The following SHROOM3 variants were observed in gnomAD, a reference collection of about 807,000 sequenced individuals.
SHROOM3 encodes the protein shroom family member 3.
A neutral mutation model predicts 138.6 loss-of-function variants in SHROOM3; 47 were observed. That is an observed-to-expected ratio of 0.34 (90% CI 0.27 to 0.43). The LOEUF is 0.43. Among genes scored for constraint, SHROOM3 ranks in the 20% least tolerant of loss-of-function variants. SHROOM3 has a pLI of 1.00. For missense variants in SHROOM3, 2,491 were observed against 2,596.5 expected (o/e 0.96, Z 0.88); for synonymous variants, 1,062 against 1,063.3 (o/e 1.00, Z 0.02).
intron 2 of SHROOM3, among the ~76,000 whole-genome samples, chr4:76,557,248 C>CAT (rs1733504335): frequency 2.0e-5 from 3 of 151,580 alleles, no homozygotes; most frequent in South Asian, 4.2e-4. Context: ...CACACACACA[C>CAT]ACACACACAC....
chr4:76,740,651 G>A lies in SHROOM3; in HGVS notation c.2478G>A (p.Glu826=), dbSNP rs1444082712. The A allele has an allele frequency of 6.2e-7, 1 of 1,614,198 alleles. No homozygotes were observed. The highest frequency in any genetic ancestry group is 2.2e-5 in the East Asian group (1 of 44,884). The part of the protein sequence containing the change: ...STSSTSGNDF[E]ETKAHIRFSE... Reference sequence around the variant, plus strand: ...CCAGTACTTCTGGGAATGACTTCGAGGAGACAAAAGCACACATTCGTTTCT... The same window carrying A: ...CCAGTACTTCTGGGAATGACTTCGAAGAGACAAAAGCACACATTCGTTTCT... The change falls in exon 5 of 11, where the codon GAG becomes GAA. Residue 826 remains glutamate (E), a synonymous_variant. Coordinates refer to ENST00000296043, the MANE Select transcript of SHROOM3 (RefSeq NM_020859.4). This position sits in a 1 kb window ranked among gnomAD's most constrained non-coding sequence, Gnocchi z 4.0.
At chr4:76,483,179 A>G (rs1455788345) in intron 1 of SHROOM3, among the ~76,000 whole-genome samples, 2 of 152,236 alleles carry the variant, frequency 1.3e-5, no homozygotes, top group South Asian at 2.1e-4. Flanking sequence ...GAGCTTCTGC[A>G]CAGCAAAAGA....
chr4:76,643,801 C>T (rs1201246146), intron 2 of SHROOM3, among the ~76,000 whole-genome samples: 1 of 152,028 alleles, frequency 6.6e-6, no homozygotes, highest in African/African-American at 2.4e-5. Flanking sequence ...ATCCTCCTAC[C>T]CCCAAATCAT....
intron 2 of SHROOM3, among the ~76,000 whole-genome samples, chr4:76,611,399 G>A (rs1734759435): frequency 6.6e-6 from 1 of 151,928 alleles, no homozygotes; most frequent in African/African-American, 2.4e-5. Context: ...ATTTCTTATC[G>A]GGAATGCTGG....
intron 2 of SHROOM3, among the ~76,000 whole-genome samples, chr4:76,677,796 A>G (rs182607893): frequency 1.3e-5 from 2 of 152,328 alleles, no homozygotes; most frequent in South Asian, 2.1e-4. Context: ...CAAGAGCGCT[A>G]AAGTATGTGG....
At chr4:76,603,126 A>G (rs931300108) in intron 2 of SHROOM3, among the ~76,000 whole-genome samples, 7 of 152,142 alleles carry the variant, frequency 4.6e-5, no homozygotes, top group African/African-American at 1.7e-4. Context: ...ATCTTTTAAA[A>G]ACACATACTT....
intron 2 of SHROOM3, among the ~76,000 whole-genome samples, chr4:76,625,988 T>C (rs1169417276): frequency 6.6e-6 from 1 of 152,188 alleles, no homozygotes; most frequent in Non-Finnish European, 1.5e-5. Context: ...GCTTTAAACA[T>C]AGAGAACTCT....
chr4:76,635,225 G>T (rs72661465), intron 2 of SHROOM3, among the ~76,000 whole-genome samples: 13,544 of 152,104 alleles, frequency 0.089, 609 homozygotes, highest in East Asian at 0.14. Context: ...GCCTCTGACT[G>T]TCTCCTCATC....
chr4:76,532,959 TG>T (rs869135905), intron 1 of SHROOM3, among the ~76,000 whole-genome samples: 1 of 118,278 alleles, frequency 8.5e-6, no homozygotes, highest in Admixed American at 9.7e-5. Flanking sequence ...CTGTGACAGC[TG>T]CTGACTAATG....
At chr4:76,734,135 T>C (rs943902398) in intron 4 of SHROOM3, among the ~76,000 whole-genome samples, 11 of 152,162 alleles carry the variant, frequency 7.2e-5, no homozygotes, top group South Asian at 4.1e-4. Flanking sequence ...TTTGTAGGTA[T>C]TGGGAGTACA....
At chr4:76,461,185 C>G (rs1731135608) in intron 1 of SHROOM3, among the ~76,000 whole-genome samples, 1 of 152,024 alleles carries the variant, frequency 6.6e-6, no homozygotes, top group Non-Finnish European at 1.5e-5. Context: ...TAGTTCAACC[C>G]CTAACATAAT....
intron 2 of SHROOM3, among the ~76,000 whole-genome samples, chr4:76,690,149 G>C (rs1226916920): frequency 6.6e-6 from 1 of 152,138 alleles, no homozygotes; most frequent in East Asian, 1.9e-4. Flanking sequence ...ACTTGCTCCA[G>C]ATCTTAAGAC....
At chr4:76,453,801 G>A (rs954509593) in intron 1 of SHROOM3, among the ~76,000 whole-genome samples, 1 of 152,090 alleles carries the variant, frequency 6.6e-6, no homozygotes. Context: ...TGTGTGATTT[G>A]CAAATATTCT....
chr4:76,577,079 T>A (rs186484176), intron 2 of SHROOM3, among the ~76,000 whole-genome samples: 6 of 152,282 alleles, frequency 3.9e-5, no homozygotes, highest in Non-Finnish European at 7.4e-5. Context: ...TCACCAAACC[T>A]TAATTGAATT....
Position 76,631,614 on chromosome 4 carries a change from C to T in SHROOM3, c.323+75851C>T, listed in dbSNP as rs77685890. ...AGAGAAAAATCCCAAGAGCAAGGGC[C>T]TTGATGTGGGAACAATCTTAGCAGT... On this transcript the variant is annotated intron_variant, in intron 2 of 10. Transcript: ENST00000296043. Among the ~76,000 whole-genome samples the T allele has an allele frequency of 8.5e-3, 1,297 of 152,220 alleles. 17 individuals are homozygous for T. The highest frequency in any genetic ancestry group is 0.03 in the African/African-American group (1,237 of 41,520).
chr4:76,510,087 A>G (rs1579202762), intron 1 of SHROOM3, among the ~76,000 whole-genome samples: 3 of 152,186 alleles, frequency 2.0e-5, no homozygotes, highest in East Asian at 3.8e-4. Flanking sequence ...CAATACCAAA[A>G]TCCTCAGTTA....
chr4:76,550,854 C>T (rs1733338623), intron 1 of SHROOM3, among the ~76,000 whole-genome samples: 1 of 151,494 alleles, frequency 6.6e-6, no homozygotes, highest in African/African-American at 2.4e-5. Context: ...AAAAATTTCC[C>T]CAGGCATGGT....
chr4:76,658,935 A>C (rs185821162), intron 2 of SHROOM3, among the ~76,000 whole-genome samples: 1 of 152,068 alleles, frequency 6.6e-6, no homozygotes, highest in East Asian at 1.9e-4. Context: ...TTTGGAAACA[A>C]TTAGGGAATG....
At chr4:76,725,998 A>C (rs533215152) in intron 3 of SHROOM3, among the ~76,000 whole-genome samples, 35 of 152,284 alleles carry the variant, frequency 2.3e-4, no homozygotes, top group Non-Finnish European at 4.3e-4. Flanking sequence ...TCTCCCCTTT[A>C]GAAACAGGTT....
Sources: allele counts gnomAD v4.1 joint callset (sites outside exome capture counted in the v4.1 genomes callset), GRCh38; gene constraint gnomAD v4.1.1; non-coding constraint Gnocchi (gnomAD v3.1); transcripts MANE v1.5; gene names NCBI Gene and HGNC (gene_info 2026-07-23, HGNC 2026-07-21).